Variants in SH2B1 observed in about 807,000 individuals in gnomAD.
SH2B1 encodes SH2B adaptor protein 1.
Under a neutral mutation model 62.6 loss-of-function variants are expected in SH2B1, and 15 were observed. That is an observed-to-expected ratio of 0.24 (90% confidence interval 0.16 to 0.37). The LOEUF (loss-of-function observed/expected upper bound fraction) is 0.37. Ranked by LOEUF, SH2B1 falls within the 10% of genes least tolerant of loss-of-function variation. The pLI, the probability that SH2B1 is intolerant of heterozygous loss-of-function variation, is 1.00. For missense variants in SH2B1, 925 were observed against 1,015.6 expected (o/e 0.91, Z 1.21); for synonymous variants, 443 against 438.0 (o/e 1.01, Z -0.14).
At position 28,855,932 on chromosome 16, in the gene SH2B1, A is replaced by G. The variant is rs1327908121; in HGVS notation, c.-300-5686A>G. Among the ~76,000 whole-genome samples, 8 of 148,104 alleles carry G rather than the reference A, an allele frequency of 5.4e-5. No individual in the cohort carries two copies. The East Asian group carries it at 1.2e-3, about 23-fold the overall frequency. On this transcript the variant is annotated intron_variant, in intron 1 of 10. Coordinates refer to the SH2B1 transcript ENST00000322610. ...GTGATCCGCCTGCCTCGGCCTCCCA[A>G]AGTGCTGGGATTACAGGTGTGAGCC...
chr16:28,859,878 C>A (rs559191928), upstream of SH2B1, among the ~76,000 whole-genome samples: 17 of 114,828 alleles, frequency 1.5e-4, 1 homozygote, highest in South Asian at 9.2e-4. Context: ...ACCCCCCCCC[C>A]CCGGCTGTTT....
At chr16:28,849,379 G>A (rs1962049859) in intron 1 of SH2B1, among the ~76,000 whole-genome samples, 2 of 152,228 alleles carry the variant, frequency 1.3e-5, no homozygotes, top group African/African-American at 4.8e-5. Flanking sequence ...TTACAGGCAT[G>A]AGCCACTGTG....
rs547388253 is a variant in SH2B1 at position 28,869,932 on chromosome 16, C to T, written c.1309+549C>T. Among the ~76,000 whole-genome samples the T allele has an allele frequency of 5.3e-5, 8 of 152,360 alleles. No individual in the cohort carries two copies. In the East Asian group the frequency reaches 1.3e-3, roughly 26 times the overall value. On this transcript the variant is annotated intron_variant, in intron 4 of 7. Transcript: ENST00000684370. ...GTTCTGAGTTCCAGCTGCACAGTGC[C>T]TAGCACACAGGCTGTATTCAGTGAA...
rs1962901944 is a variant in SH2B1 at position 28,869,291 on chromosome 16, G to T, written c.1217G>T (p.Ser406Ile). The change falls in exon 4 of 8, where the codon AGC (serine) becomes ATC (isoleucine). Residue 406 changes from serine (S) to isoleucine (I), a missense_variant. Coordinates refer to ENST00000684370, the MANE Select transcript of SH2B1 (RefSeq NM_001387430.1). ...TSFLTRENTD[S>I]LELSCLNHSE... ...TTCCTTACAAGGGAGAACACAGACA[G>T]CCTGGAGCTGTCCTGCCTGAATCAC... The T allele has an allele frequency of 6.2e-7, 1 of 1,614,106 alleles. No individual in the cohort carries two copies. Among genetic ancestry groups the T allele is most frequent in the Non-Finnish European group, 8.5e-7 (1 of 1,180,018 alleles).
Position 28,852,735 on chromosome 16 carries a change from C to CATATATATATTTACATATATATGT in SH2B1, c.-301+5922_-301+5945dup, listed in dbSNP as rs1962180213. Among the ~76,000 whole-genome samples, 4 of 30,476 alleles carry CATATATATATTTACATATATATGT rather than the reference C, an allele frequency of 1.3e-4. 2 individuals are homozygous for CATATATATATTTACATATATATGT. The highest frequency in any genetic ancestry group is 2.5e-4 in the Non-Finnish European group (4 of 16,154). The allele number at this position is 30,476 out of a possible 152,430, so 20.0% of individuals were successfully genotyped here. On this transcript the variant is annotated intron_variant, in intron 1 of 10. Coordinates refer to the SH2B1 transcript ENST00000322610. ...ATTTACATATATATTTATATATATA[C>CATATATATATTTACATATATATGT]ATATATATATTTACATATATATGTA...
rs1347577512 is a variant in SH2B1, at chr16:28,863,908, C to T, written c.-2187C>T. On this transcript the variant is annotated 5_prime_UTR_variant, in exon 1 of 8. Coordinates refer to ENST00000684370, the MANE Select transcript of SH2B1 (RefSeq NM_001387430.1). ...AGGGAGCGGGAGCCGCCGCCGCCGCCGCCGCCGCCGGAGCTAACCTCGGGG... is the reference window on the plus strand; with the variant it reads ...AGGGAGCGGGAGCCGCCGCCGCCGCTGCCGCCGCCGGAGCTAACCTCGGGG... 1.7e-5 allele frequency: 25 copies of T among 1,461,696 alleles called. No homozygotes were observed. The highest frequency in any genetic ancestry group is 2.3e-5 in the Non-Finnish European group (25 of 1,101,672). 90.5% of individuals were successfully genotyped at this position (1,461,696 alleles called of 1,614,324 possible).
intron 1 of SH2B1, among the ~76,000 whole-genome samples, chr16:28,852,311 TA>T (rs1341138096): frequency 6.4e-5 from 5 of 78,676 alleles, no homozygotes; most frequent in Non-Finnish European, 9.6e-5. Flanking sequence ...TACATATATA[TA>T]TTTACATATA....
upstream of SH2B1, chr16:28,862,201 T>A (rs960200440): frequency 1.3e-5 from 2 of 152,248 alleles, no homozygotes; most frequent in African/African-American, 4.8e-5. Flanking sequence ...TTAATTGTTC[T>A]CGATTTCTCT....
At chr16:28,870,150 G>T (rs1175444012) in intron 4 of SH2B1, among the ~76,000 whole-genome samples, 1 of 152,256 alleles carries the variant, frequency 6.6e-6, no homozygotes, top group Admixed American at 6.5e-5. Context: ...TGACATTTGT[G>T]TAGGCAGTGG....
At chr16:28,848,660 G>A (rs978425667) in intron 1 of SH2B1, among the ~76,000 whole-genome samples, 40 of 141,296 alleles carry the variant, frequency 2.8e-4, no homozygotes, top group African/African-American at 1.1e-3. Flanking sequence ...TGTGCACACC[G>A]CACTGTCCTT....
upstream of SH2B1, among the ~76,000 whole-genome samples, chr16:28,859,720 A>G (rs913985666): frequency 1.3e-5 from 2 of 151,928 alleles, no homozygotes; most frequent in African/African-American, 2.4e-5. Flanking sequence ...GAAAAAAAAA[A>G]AGAGAGAGAG....
Position 28,865,091 on chromosome 16 carries a change from C to G in SH2B1, c.-1004C>G. On this transcript the variant is annotated 5_prime_UTR_variant, in exon 1 of 8. Transcript: ENST00000684370. ...TGGCCTTAACCAGAAGGCTAACCTG[C>G]CTTTAGGGCATACTCCCCAGTGGGA... 1.0e-6 allele frequency: 1 copy of G among 985,538 alleles called. No homozygotes were observed. The highest frequency in any genetic ancestry group is 5.2e-4 in the Middle Eastern group (1 of 1,914). The allele number at this position is 985,538 out of a possible 1,614,324, so 61.0% of individuals were successfully genotyped here. A position where few individuals can be genotyped will look rare whatever the true frequency, so the allele number is the denominator to read the frequency against.
chr16:28,872,264 G>C lies in SH2B1; in HGVS notation c.1588G>C (p.Gly530Arg). Residue 530 changes from glycine (G) to arginine (R), a missense_variant, in exon 6 of 8, where the codon GGG becomes CGG. Gly to Arg is a moderately radical substitution (Grantham distance 125). Around this residue, in one of 3 missense-constraint regions of SH2B1, gnomAD observed 57 missense variants for 122.1 expected, o/e 0.47. Transcript: ENST00000684370. The surrounding 1 kb of genome is among the most constrained non-coding windows in gnomAD (Gnocchi z 5.3). ...CCTCTCAGGGTATCCTTGGTTCCAC[G>C]GGATGCTCTCTCGGCTCAAGGCTGC... ...QPLSGYPWFH[G>R]MLSRLKAAQL... 6.2e-7 allele frequency: 1 copy of C among 1,614,098 alleles called. No individual in the cohort carries two copies. The highest frequency in any genetic ancestry group is 8.5e-7 in the Non-Finnish European group (1 of 1,179,952).
upstream of SH2B1, among the ~76,000 whole-genome samples, chr16:28,860,215 AACATCTCTCC>A (rs1962412236): frequency 6.6e-6 from 1 of 151,688 alleles, no homozygotes; most frequent in Non-Finnish European, 1.5e-5. Context: ...AACTGTGTAG[AACATCTCTCC>A]ACATTTTTCC....
chr16:28,853,228 AAT>A (rs55893199), intron 1 of SH2B1, among the ~76,000 whole-genome samples: 27 of 124,552 alleles, frequency 2.2e-4, no homozygotes, highest in African/African-American at 6.4e-4. Flanking sequence ...TGTATATATA[AAT>A]ATATATATAT....
In SH2B1 at chr16:28,852,389, TATATAC is replaced by T. The variant is rs1567458420; in HGVS notation, c.-301+5568_-301+5573del. Among the ~76,000 whole-genome samples the T allele has an allele frequency of 5.8e-4, 44 of 75,804 alleles. 3 individuals carry two copies. Among genetic ancestry groups the T allele is most frequent in the Non-Finnish European group, 7.1e-4 (32 of 45,306 alleles). 49.7% of individuals were successfully genotyped at this position (75,804 alleles called of 152,430 possible). A position where few individuals can be genotyped will look rare whatever the true frequency, so the allele number is the denominator to read the frequency against. On this transcript the variant is annotated intron_variant, in intron 1 of 10. Coordinates refer to the SH2B1 transcript ENST00000322610. ...TTATATATATTTACATATATTTATA[TATATAC>T]ATATATATTTACATATATATTTATA...
chr16:28,863,738 GTGGGAGGA>G, upstream of SH2B1: 1 of 1,535,784 alleles, frequency 6.5e-7, no homozygotes, highest in Non-Finnish European at 8.7e-7. Context: ...TCGGCGCCGA[GTGGGAGGA>G]TGGCGGAAGT....
chr16:28,870,659 A>AT (rs869311691), intron 4 of SH2B1, among the ~76,000 whole-genome samples: 2 of 144,432 alleles, frequency 1.4e-5, no homozygotes, highest in African/African-American at 4.9e-5. Flanking sequence ...TGTGTGTTTA[A>AT]TTTTTTTATT....
Position 28,872,279 on chromosome 16 carries a change from C to T in SH2B1, c.1603C>T (p.Leu535Phe). ...YPWFHGMLSR[L>F]KAAQLVLTGG... ...TTGGTTCCACGGGATGCTCTCTCGG[C>T]TCAAGGCTGCACAGTTGGTGCTGAC... The change falls in exon 6 of 8, where the codon CTC (leucine) becomes TTC (phenylalanine). Residue 535 changes from leucine to phenylalanine, a missense_variant. Physicochemically the swap from Leu to Phe is conservative, Grantham distance 22. Transcript: ENST00000684370. This position sits in a 1 kb window ranked among gnomAD's most constrained non-coding sequence, Gnocchi z 5.3. The T allele has an allele frequency of 6.2e-7, 1 of 1,614,100 alleles. No individual in the cohort carries two copies. The highest frequency in any genetic ancestry group is 1.7e-5 in the Admixed American group (1 of 60,020).
Sources: gnomAD v4.1 joint callset for allele counts (sites outside exome capture counted in the v4.1 genomes callset) on GRCh38, gnomAD v4.1.1 for gene constraint, gnomAD v4.1.1 regional missense constraint, Gnocchi (gnomAD v3.1) non-coding constraint, MANE v1.5 for transcripts, NCBI Gene and HGNC (gene_info 2026-07-23, HGNC 2026-07-21) for gene names.